The following RHPN2 variants were observed in gnomAD, a reference collection of about 807,000 sequenced individuals.
The protein encoded by RHPN2 is rhophilin Rho GTPase binding protein 2.
In RHPN2, 40 loss-of-function variants were observed where a neutral mutation model predicts 79.0. That is an observed-to-expected ratio of 0.51 (90% confidence interval 0.39 to 0.66). The LOEUF (loss-of-function observed/expected upper bound fraction) is 0.66. RHPN2 is among the 30% of genes least tolerant of loss of function. The pLI, the probability that RHPN2 is intolerant of heterozygous loss-of-function variation, is 0.00. For synonymous variants in RHPN2, 285 were observed against 363.5 expected (o/e 0.78, Z 2.46); for missense variants, 686 against 883.5 (o/e 0.78, Z 2.83).
chr19:33,045,611 T>C (rs866441437), intron 1 of RHPN2, among the ~76,000 whole-genome samples: 1 of 151,844 alleles, frequency 6.6e-6, no homozygotes, highest in African/African-American at 2.4e-5. Flanking sequence ...GTAGCTGGAA[T>C]TACAGGTGCC....
At chr19:33,010,240 A>C (rs1445727242) in intron 6 of RHPN2, among the ~76,000 whole-genome samples, 1 of 152,112 alleles carries the variant, frequency 6.6e-6, no homozygotes, top group East Asian at 1.9e-4. Context: ...TTCCATGAGG[A>C]AGGCATTAGT....
chr19:32,999,733 C>T (rs1568312334), intron 9 of RHPN2, 28 bp from the exon 10 acceptor site: 4 of 1,607,042 alleles, frequency 2.5e-6, no homozygotes, highest in South Asian at 1.1e-5. Context: ...GGTTAAATCC[C>T]CTCTCATGGA....
chr19:33,028,845 A>G (rs1225700237), intron 2 of RHPN2, among the ~76,000 whole-genome samples: 1 of 152,182 alleles, frequency 6.6e-6, no homozygotes, highest in African/African-American at 2.4e-5. Context: ...TTTAAAATTT[A>G]CTAAAAAGCT....
At chr19:33,049,387 G>A (rs547478332) in intron 1 of RHPN2, among the ~76,000 whole-genome samples, 3 of 152,012 alleles carry the variant, frequency 2.0e-5, no homozygotes, top group Non-Finnish European at 4.4e-5. Flanking sequence ...TGAACAAACA[G>A]CTTCCAGAAT....
At position 33,011,537 on chromosome 19, in the gene RHPN2, G is replaced by A. The variant is rs546999254; in HGVS notation, c.593+142C>T. 9 of 1,021,686 alleles carry A rather than the reference G, an allele frequency of 8.8e-6. No homozygotes were observed. In the East Asian group the frequency reaches 2.0e-4, roughly 23 times the overall value. The allele number at this position is 1,021,686 out of a possible 1,614,324, so 63.3% of individuals were successfully genotyped here. On this transcript the variant is annotated intron_variant, in intron 6 of 14. Transcript: ENST00000254260. ...AAATACCAATGTATTGACATCTTTT[G>A]AGACTTCCCCAGATAAATGCAAGAT...
intron 13 of RHPN2, chr19:32,990,874 C>G: frequency 3.6e-6 from 2 of 554,150 alleles, no homozygotes; most frequent in East Asian, 6.7e-5. Context: ...ACTAAAAATA[C>G]AAAAATCAGC....
chr19:33,018,551 C>T (rs760666387), intron 4 of RHPN2, among the ~76,000 whole-genome samples: 1 of 152,162 alleles, frequency 6.6e-6, no homozygotes, highest in Non-Finnish European at 1.5e-5. Flanking sequence ...TTGCTTTCTA[C>T]CCAGAATACA....
chr19:33,011,090 T>A (rs1971832026), intron 6 of RHPN2, among the ~76,000 whole-genome samples: 1 of 152,054 alleles, frequency 6.6e-6, no homozygotes, highest in African/African-American at 2.4e-5. Context: ...TGGAGAAGAA[T>A]CAAATGCTCT....
intron 9 of RHPN2, among the ~76,000 whole-genome samples, chr19:33,001,589 T>G (rs1971749580): frequency 6.6e-6 from 1 of 152,024 alleles, no homozygotes. Context: ...AGATTTTTTT[T>G]GCATTAATTT....
intron 7 of RHPN2, among the ~76,000 whole-genome samples, chr19:33,007,686 G>A (rs373507468): frequency 4.5e-4 from 69 of 151,728 alleles, no homozygotes; most frequent in African/African-American, 1.6e-3. Flanking sequence ...GGAAAAGATC[G>A]TCAGCCACAG....
At position 33,002,317 on chromosome 19, in the gene RHPN2, G is replaced by A. The variant is rs1971755773; in HGVS notation, c.1035C>T (p.Ala345=). Residue 345 remains alanine (A), a synonymous_variant, in exon 9 of 15, where the codon GCC becomes GCT. Coordinates refer to ENST00000254260, the MANE Select transcript of RHPN2 (RefSeq NM_033103.5). The part of the protein sequence containing the change: ...ENIPYSWASL[A]CVKAHHYAAL... Reference sequence around the variant, plus strand: ...CCGCGTAGTGGTGGGCCTTCACGCAGGCTAAGCTGGCCCAGGAGTAGGGGA... The same window carrying A: ...CCGCGTAGTGGTGGGCCTTCACGCAAGCTAAGCTGGCCCAGGAGTAGGGGA... 1 of 1,613,914 alleles carries A rather than the reference G, an allele frequency of 6.2e-7. No individual in the cohort carries two copies. Among genetic ancestry groups the A allele is most frequent in the Non-Finnish European group, 8.5e-7 (1 of 1,179,872 alleles).
At chr19:33,041,992 G>A (rs1972104040) in intron 2 of RHPN2, among the ~76,000 whole-genome samples, 1 of 152,078 alleles carries the variant, frequency 6.6e-6, no homozygotes. Flanking sequence ...AGACAAGCCT[G>A]TGCAACACGG....
At chr19:32,991,179 C>T (rs571732679) in intron 13 of RHPN2, among the ~76,000 whole-genome samples, 10 of 152,116 alleles carry the variant, frequency 6.6e-5, no homozygotes, top group Non-Finnish European at 1.2e-4. Flanking sequence ...AAAATTAGGC[C>T]GGGCCAGGTG....
Position 33,059,206 on chromosome 19 carries a change from C to T in RHPN2, c.69+5578G>A, listed in dbSNP as rs371961321. ...GCAGCTGTTGGCAATCTTCACCCCC[C>T]GCCTCGACTCCTGGGCCCCATCCCC... On this transcript the variant is annotated intron_variant, in intron 1 of 14. Coordinates refer to ENST00000254260, the MANE Select transcript of RHPN2 (RefSeq NM_033103.5). Among the ~76,000 whole-genome samples the T allele has an allele frequency of 6.6e-5, 10 of 152,192 alleles. No homozygotes were observed. The East Asian group carries it at 1.5e-3, about 24-fold the overall frequency.
intron 2 of RHPN2, among the ~76,000 whole-genome samples, chr19:33,034,830 G>T (rs528921614): frequency 6.6e-6 from 1 of 151,728 alleles, no homozygotes; most frequent in Non-Finnish European, 1.5e-5. Context: ...CAGGTGAAGT[G>T]GGTCATTCCT....
At chr19:33,006,605 C>T (rs760856018) in intron 7 of RHPN2, among the ~76,000 whole-genome samples, 1 of 152,226 alleles carries the variant, frequency 6.6e-6, no homozygotes, top group Non-Finnish European at 1.5e-5. Flanking sequence ...GGGGAACACA[C>T]TGTGGTCTAC....
In RHPN2 at chr19:32,999,775, A is replaced by G; in HGVS notation, c.1106-70T>C. On this transcript the variant is annotated intron_variant, in intron 9 of 14. Coordinates refer to ENST00000254260, the MANE Select transcript of RHPN2 (RefSeq NM_033103.5). The stretch of plus-strand genomic sequence containing the variant: ...CACAGACCCACGTAGAGATTTCTCT[A>G]CCATGTCTCCAGCTTCCTTTTTTCT... The G allele has an allele frequency of 2.5e-6, 4 of 1,588,662 alleles. No homozygotes were observed. In the Admixed American group the frequency reaches 6.8e-5, roughly 27 times the overall value.
chr19:33,019,749 G>A (rs1187238640), intron 4 of RHPN2, among the ~76,000 whole-genome samples: 2 of 151,620 alleles, frequency 1.3e-5, no homozygotes, highest in Non-Finnish European at 2.9e-5. Context: ...GGGTGAAAAA[G>A]TGAGACTCTG....
At chr19:32,990,960 C>T (rs146078968) in intron 13 of RHPN2, among the ~76,000 whole-genome samples, 24 of 148,946 alleles carry the variant, frequency 1.6e-4, no homozygotes, top group African/African-American at 6.0e-4. Context: ...ACCCGGGAGG[C>T]AGACATTGCA....
Sources: gnomAD v4.1 joint callset for allele counts (sites outside exome capture counted in the v4.1 genomes callset) on GRCh38, gnomAD v4.1.1 for gene constraint, MANE v1.5 for transcripts, NCBI Gene and HGNC (gene_info 2026-07-23, HGNC 2026-07-21) for gene names.